The following UTP6 variants were observed in gnomAD, a reference collection of about 807,000 sequenced individuals.
UTP6 encodes the protein U3 small nucleolar RNA-associated protein 6 homolog.
A neutral mutation model predicts 96.5 loss-of-function variants in UTP6; 60 were observed. That is an observed-to-expected ratio of 0.62 (90% confidence interval 0.51 to 0.77). UTP6 has a LOEUF of 0.77. Ranked by LOEUF, UTP6 falls within the 30% of genes least tolerant of loss-of-function variation. UTP6 has a pLI of 0.00. For synonymous variants in UTP6, 215 were observed against 240.1 expected (o/e 0.90, Z 0.96); for missense variants, 637 against 706.5 (o/e 0.90, Z 1.12).
At chr17:31,898,974 G>C (rs1414936268) in intron 2 of UTP6, among the ~76,000 whole-genome samples, 1 of 152,122 alleles carries the variant, frequency 6.6e-6, no homozygotes, top group East Asian at 1.9e-4. Flanking sequence ...AGTGGTTGCA[G>C]TGAGCCAAGA....
intron 2 of UTP6, among the ~76,000 whole-genome samples, chr17:31,898,986 C>T (rs962556844): frequency 1.3e-5 from 2 of 148,350 alleles, no homozygotes; most frequent in African/African-American, 5.0e-5. Flanking sequence ...GAGCCAAGAT[C>T]GCGCCACTGC....
intron 13 of UTP6, among the ~76,000 whole-genome samples, chr17:31,876,110 C>T (rs935262471): frequency 5.9e-5 from 9 of 151,698 alleles, no homozygotes; most frequent in East Asian, 2.0e-4. Context: ...GATCTCGGCT[C>T]ACTGCAACCT....
At position 31,901,540 on chromosome 17, in the gene UTP6, T is replaced by G. The variant is rs1490971920; in HGVS notation, c.88A>C (p.Ile30Leu). Reference sequence around the variant, plus strand: ...CTCTCCCCAACCCTCTCTCACTTAATCTCCGCATGACTGAACAGTCCAATG... The same window carrying G: ...CTCTCCCCAACCCTCTCTCACTTAAGCTCCGCATGACTGAACAGTCCAATG... ...ERIGLFSHAE[I>L]KAIIKKASDL... Residue 30 changes from isoleucine (I) to leucine (L), a missense_variant, in exon 1 of 19, where the codon ATT (isoleucine) becomes CTT (leucine). By Grantham distance (5) the Ile-to-Leu change is conservative. Coordinates refer to ENST00000261708, the MANE Select transcript of UTP6 (RefSeq NM_018428.3). 2 of 1,613,834 alleles carry G rather than the reference T, an allele frequency of 1.2e-6. No homozygotes were observed. Among genetic ancestry groups the G allele is most frequent in the Non-Finnish European group, 1.7e-6 (2 of 1,179,948 alleles).
intron 9 of UTP6, 45 bp downstream of exon 9, chr17:31,885,935 A>T (rs1370511833): frequency 6.5e-7 from 1 of 1,541,176 alleles, no homozygotes; most frequent in Non-Finnish European, 8.9e-7. Flanking sequence ...TTAAGAAAAG[A>T]ATGTTTCACT....
intron 2 of UTP6, among the ~76,000 whole-genome samples, chr17:31,898,354 G>T (rs1042278186): frequency 1.3e-5 from 2 of 151,976 alleles, no homozygotes; most frequent in African/African-American, 4.8e-5. Flanking sequence ...GGTCAAGATG[G>T]TGAAACGCTG....
chr17:31,900,800 T>C (rs748009031), intron 1 of UTP6, among the ~76,000 whole-genome samples: 5 of 152,110 alleles, frequency 3.3e-5, no homozygotes, highest in Admixed American at 2.0e-4. Context: ...ATGACAAATA[T>C]ATATTAGGAG....
chr17:31,889,854 C>T (rs913698529), intron 6 of UTP6, among the ~76,000 whole-genome samples: 2 of 152,186 alleles, frequency 1.3e-5, no homozygotes, highest in South Asian at 4.1e-4. Context: ...TTCGGACAGA[C>T]AGTTTCTAAC....
intron 10 of UTP6, 152 bp from the exon 11 acceptor site, chr17:31,880,906 G>T: frequency 1.9e-6 from 2 of 1,063,436 alleles, no homozygotes; most frequent in Non-Finnish European, 2.7e-6. Context: ...GGGCCCGGTG[G>T]CTCACGCCAC....
intron 11 of UTP6, 73 bp downstream of exon 11, chr17:31,880,500 G>C (rs781077010): frequency 1.3e-6 from 2 of 1,589,822 alleles, no homozygotes; most frequent in Non-Finnish European, 1.7e-6. Flanking sequence ...TTTGGCAATG[G>C]GAACAGGAGC....
rs185329823 is a variant in UTP6, at chr17:31,894,934, T to C, written c.219+36A>G. ...TATACAGCCATACTGCTTAGTTCTG[T>C]ATTTTTCTCCAACTTCTAGAAAATC... On this transcript the variant is annotated intron_variant, in intron 3 of 18. Transcript: ENST00000261708. 471 of 1,542,566 alleles carry C rather than the reference T, an allele frequency of 3.1e-4. 1 individual carries two copies. The Middle Eastern group carries it at 4.9e-3, about 16-fold the overall frequency.
chr17:31,873,962 T>C lies in UTP6; in HGVS notation c.1306-209A>G, dbSNP rs113618974. 237 of 515,894 alleles carry C rather than the reference T, an allele frequency of 4.6e-4. 1 individual carries two copies. The highest frequency in any genetic ancestry group is 4.1e-3 in the African/African-American group (205 of 49,876). The allele number at this position is 515,894 out of a possible 1,614,324, so 32.0% of individuals were successfully genotyped here. On this transcript the variant is annotated intron_variant, in intron 14 of 18. Transcript: ENST00000261708. Reference sequence around the variant, plus strand: ...GGATTCATTCCCAAACAGTCCTCATTGTGACAGAATTCTCATTGCCCAGCA... The same window carrying C: ...GGATTCATTCCCAAACAGTCCTCATCGTGACAGAATTCTCATTGCCCAGCA...
In UTP6 at chr17:31,863,477, G is replaced by A. The variant is rs1329267763; in HGVS notation, c.1676C>T (p.Pro559Leu). 6.2e-7 allele frequency: 1 copy of A among 1,612,886 alleles called. No individual in the cohort carries two copies. The highest frequency in any genetic ancestry group is 8.5e-7 in the Non-Finnish European group (1 of 1,179,668). The stretch of plus-strand genomic sequence containing the variant: ...TCCACAGTTCTCAGGTCTACCAAGG[G>A]GGTGGTTCAATTCTTCTTTCATATA... Reference protein sequence around the residue: ...MDYMKEELNHPLGRPENCGQI... With the variant: ...MDYMKEELNHLLGRPENCGQI... The change falls in exon 19 of 19, where the codon CCC becomes CTC. Residue 559 changes from proline (P) to leucine (L), a missense_variant. Pro to Leu is a moderately conservative substitution (Grantham distance 98). Coordinates refer to ENST00000261708, the MANE Select transcript of UTP6 (RefSeq NM_018428.3).
rs143183199 is a variant in UTP6, at chr17:31,866,201, G to A, written c.1564-763C>T. ...ACTCAGGAGGCTGAGGCAGGAGAACGGCGTGAACCTAGGAGGTGGAGCTTG... is the reference window on the plus strand; with the variant it reads ...ACTCAGGAGGCTGAGGCAGGAGAACAGCGTGAACCTAGGAGGTGGAGCTTG... On this transcript the variant is annotated intron_variant, in intron 17 of 18. Transcript: ENST00000261708. 2.8e-3 allele frequency among the ~76,000 whole-genome samples: 413 copies of A among 148,784 alleles called. 3 individuals carry two copies. Among genetic ancestry groups the A allele is most frequent in the African/African-American group, 9.3e-3 (377 of 40,376 alleles).
At chr17:31,866,194 GGAGAAC>G (rs2142286974) in intron 17 of UTP6, among the ~76,000 whole-genome samples, 1 of 150,202 alleles carries the variant, frequency 6.7e-6, no homozygotes, top group Admixed American at 6.6e-5. Context: ...GGCTGAGGCA[GGAGAAC>G]GGCGTGAACC....
chr17:31,894,674 C>T lies in UTP6; in HGVS notation c.283G>A (p.Val95Ile). 1 of 1,611,214 alleles carries T rather than the reference C, an allele frequency of 6.2e-7. No individual in the cohort carries two copies. The highest frequency in any genetic ancestry group is 8.5e-7 in the Non-Finnish European group (1 of 1,178,564). Residue 95 changes from valine (V) to isoleucine (I), a missense_variant, in exon 4 of 19, where the codon GTT becomes ATT. By Grantham distance (29) the Val-to-Ile change is conservative. Transcript: ENST00000261708. Reference protein sequence around the residue: ...ENSIVHRVQGVFQRASAKWKD... With the variant: ...ENSIVHRVQGIFQRASAKWKD... ...CATTTTGCTGAGGCACGCTGGAAAA[C>T]ACCTTGTACCCGGTGTACAATAGAA... is the stretch of plus-strand genomic sequence containing the variant.
chr17:31,872,311 T>C (rs1910219674), intron 16 of UTP6, among the ~76,000 whole-genome samples: 2 of 152,092 alleles, frequency 1.3e-5, no homozygotes, highest in African/African-American at 4.8e-5. Context: ...CCTTCGATGA[T>C]GTAATAAATT....
At chr17:31,868,448 G>A (rs1909968256) in intron 16 of UTP6, among the ~76,000 whole-genome samples, 2 of 145,036 alleles carry the variant, frequency 1.4e-5, no homozygotes, top group South Asian at 4.4e-4. Context: ...TCCTGCCTTA[G>A]CCTGTAGAGT....
At chr17:31,866,709 A>C (rs1909839141) in intron 17 of UTP6, 1 of 82,846 alleles carries the variant, frequency 1.2e-5, no homozygotes, top group Non-Finnish European at 2.2e-5. Flanking sequence ...ACAGAGAGAG[A>C]CTCCGTCTAA....
In UTP6 at chr17:31,899,819, A is replaced by G. The variant is rs546848853; in HGVS notation, c.93-89T>C. 7.2e-5 allele frequency: 70 copies of G among 967,618 alleles called. No individual in the cohort carries two copies. The South Asian group carries it at 1.1e-3, about 16-fold the overall frequency. The allele number at this position is 967,618 out of a possible 1,614,324, so 59.9% of individuals were successfully genotyped here. On this transcript the variant is annotated intron_variant, in intron 1 of 18. Transcript: ENST00000261708. ...TGAATATATTTAAAACATGTTTTTC[A>G]AAATACGAAATTCCTAGAGTTATCT...
Sources: allele counts gnomAD v4.1 joint callset (sites outside exome capture counted in the v4.1 genomes callset), GRCh38; gene constraint gnomAD v4.1.1; transcripts MANE v1.5; gene names NCBI Gene and HGNC (gene_info 2026-07-23, HGNC 2026-07-21).